Variants in PTPRQ observed in about 807,000 individuals in gnomAD.
The protein encoded by PTPRQ is protein tyrosine phosphatase receptor type Q, also known as phosphatidylinositol phosphatase PTPRQ.
PTPRQ carries 199 observed loss-of-function variants against 246.0 expected under a neutral mutation model. The ratio of observed to expected loss-of-function variants is 0.81; its 90% confidence interval spans 0.72 to 0.91. The LOEUF (loss-of-function observed/expected upper bound fraction) is 0.91, where lower values mean the gene tolerates loss of function less well. Among genes scored for constraint, PTPRQ ranks in the 40% least tolerant of loss-of-function variants. The pLI, the probability that PTPRQ is intolerant of heterozygous loss-of-function variation, is 0.00. For synonymous variants in PTPRQ, 869 were observed against 853.2 expected, an observed-to-expected ratio of 1.02 and a Z score of -0.32; for missense variants, 2,624 against 2,528.4, an observed-to-expected ratio of 1.04 and a Z score of -0.81.
chr12:80,507,652 G>C (rs7979226), intron 16 of PTPRQ, among the ~76,000 whole-genome samples: 48,657 of 151,748 alleles, frequency 0.32, 9,059 homozygotes, highest in African/African-American at 0.51. Context: ...GGCTAGGGCT[G>C]TCTGTGTTGC....
chr12:80,602,124 A>T (rs1455593609), intron 26 of PTPRQ, among the ~76,000 whole-genome samples: 1 of 151,748 alleles, frequency 6.6e-6, no homozygotes, highest in African/African-American at 2.4e-5. Context: ...ATTATTGTAC[A>T]GTTTTCAGAA....
chr12:80,495,506 T>A lies in PTPRQ; in HGVS notation c.1882+135T>A, dbSNP rs566396959. 2.1e-5 allele frequency: 25 copies of A among 1,171,306 alleles called. No homozygotes were observed. The African/African-American group carries it at 3.7e-4, about 17-fold the overall frequency. The allele number at this position is 1,171,306 out of a possible 1,614,324, so 72.6% of individuals were successfully genotyped here. A position where few individuals can be genotyped will look rare whatever the true frequency, so the allele number is the denominator to read the frequency against. ...TCACTTCATATTTTGTTGTTTTGTG[T>A]CACCATGAATCTTTTTAAAATACCT... On this transcript the variant is annotated intron_variant, in intron 12 of 44. Coordinates refer to ENST00000644991, the MANE Select transcript of PTPRQ (RefSeq NM_001145026.2).
intron 33 of PTPRQ, among the ~76,000 whole-genome samples, chr12:80,627,059 T>G (rs909060465): frequency 6.6e-6 from 1 of 152,074 alleles, no homozygotes; most frequent in Non-Finnish European, 1.5e-5. Flanking sequence ...TGTTTAAAAT[T>G]TTATTGAATA....
At chr12:80,630,753 G>A (rs1452163063) in intron 33 of PTPRQ, among the ~76,000 whole-genome samples, 1 of 152,040 alleles carries the variant, frequency 6.6e-6, no homozygotes, top group Non-Finnish European at 1.5e-5. Flanking sequence ...TTTTGCTCTT[G>A]TTACCCAGGC....
At chr12:80,626,055 T>G (rs2121150173) in intron 33 of PTPRQ, among the ~76,000 whole-genome samples, 1 of 152,338 alleles carries the variant, frequency 6.6e-6, no homozygotes, top group South Asian at 2.1e-4. Flanking sequence ...GATTGTTTTC[T>G]TTTGTCATAA....
chr12:80,607,467 C>T, intron 27 of PTPRQ, among the ~76,000 whole-genome samples: 2 of 149,050 alleles, frequency 1.3e-5, no homozygotes, highest in African/African-American at 4.9e-5. Context: ...TCCTTCCTCC[C>T]TCCCACCCTC....
intron 25 of PTPRQ, among the ~76,000 whole-genome samples, chr12:80,553,811 A>AAATAATAC (rs1349157830): frequency 1.3e-5 from 2 of 152,216 alleles, no homozygotes; most frequent in African/African-American, 4.8e-5. Flanking sequence ...AAACCAATAC[A>AAATAATAC]AATAATACAG....
At chr12:80,528,183 CTT>C (rs1895746384) in intron 17 of PTPRQ, among the ~76,000 whole-genome samples, 2 of 152,074 alleles carry the variant, frequency 1.3e-5, no homozygotes, top group South Asian at 4.1e-4. Context: ...TAAGATATAA[CTT>C]ATACACTTTG....
chr12:80,552,589 G>A (rs1432169450), intron 25 of PTPRQ, among the ~76,000 whole-genome samples: 1 of 138,916 alleles, frequency 7.2e-6, no homozygotes, highest in Non-Finnish European at 1.5e-5. Context: ...ATCGCAATGT[G>A]CACCTGATGT....
chr12:80,495,268 A>G lies in PTPRQ; in HGVS notation c.1779A>G (p.Glu593=). Reference sequence around the variant, plus strand: ...TTTTGTTATATTGGGATCCTCCAGAATATCCCAATGGAAAAATAACTCACT... The same window carrying G: ...TTTTGTTATATTGGGATCCTCCAGAGTATCCCAATGGAAAAATAACTCACT... ...SSILLYWDPP[E]YPNGKITHYT... is the part of the protein sequence containing the mutation. Residue 593 remains glutamate (E), a synonymous_variant, in exon 12 of 45, where the codon GAA becomes GAG. Transcript: ENST00000644991. 6.5e-7 allele frequency: 1 copy of G among 1,546,332 alleles called. No homozygotes were observed. The highest frequency in any genetic ancestry group is 8.7e-7 in the Non-Finnish European group (1 of 1,145,220).
intron 37 of PTPRQ, among the ~76,000 whole-genome samples, chr12:80,650,481 A>G (rs1463251690): frequency 6.6e-6 from 1 of 152,030 alleles, no homozygotes; most frequent in Non-Finnish European, 1.5e-5. Context: ...CAAAAACATT[A>G]TTTCTATTTT....
intron 17 of PTPRQ, among the ~76,000 whole-genome samples, chr12:80,515,303 A>G (rs901245213): frequency 2.6e-5 from 4 of 152,182 alleles, no homozygotes; most frequent in Non-Finnish European, 4.4e-5. Context: ...AATGGTAGCT[A>G]TCATTGTTAG....
intron 3 of PTPRQ, among the ~76,000 whole-genome samples, chr12:80,450,069 G>T (rs897288869): frequency 6.6e-6 from 1 of 152,034 alleles, no homozygotes; most frequent in Admixed American, 6.6e-5. Flanking sequence ...GTGGTTTGTA[G>T]TTCTCCTTGA....
intron 9 of PTPRQ, 98 bp downstream of exon 9, chr12:80,484,703 G>C: frequency 7.1e-7 from 1 of 1,416,766 alleles, no homozygotes; most frequent in East Asian, 2.5e-5. Flanking sequence ...TGTAATATTT[G>C]ACCACTTACT....
intron 26 of PTPRQ, among the ~76,000 whole-genome samples, chr12:80,593,912 C>T (rs1419850331): frequency 6.6e-6 from 1 of 151,420 alleles, no homozygotes; most frequent in Non-Finnish European, 1.5e-5. Flanking sequence ...TCCTATAGAC[C>T]ACCAAGACTG....
intron 4 of PTPRQ, 86 bp downstream of exon 4, chr12:80,457,730 T>C (rs969332881): frequency 7.5e-6 from 3 of 398,124 alleles, no homozygotes; most frequent in Non-Finnish European, 1.3e-5. Flanking sequence ...AAACTGACAC[T>C]AAAATACATA....
chr12:80,452,795 A>C (rs2120428601), intron 3 of PTPRQ, among the ~76,000 whole-genome samples: 1 of 152,248 alleles, frequency 6.6e-6, no homozygotes, highest in Non-Finnish European at 1.5e-5. Context: ...GGCTGCCCTT[A>C]ACATTTTTTC....
rs1333378217 is a variant in PTPRQ, at chr12:80,496,032, T to C, written c.1916T>C (p.Val639Ala). ...AAATACACAAAATACAAAATGAGAG[T>C]GGCAGCCTCAACCCACGTTGGAGAA... is the stretch of plus-strand genomic sequence containing the variant. ...LKKYTKYKMR[V>A]AASTHVGESS... is the part of the protein sequence containing the mutation. Residue 639 changes from valine to alanine, a missense_variant, in exon 13 of 45, where the codon GTG becomes GCG. By Grantham distance (64) the Val-to-Ala change is moderately conservative (BLOSUM62 0). Transcript: ENST00000644991. The C allele has an allele frequency of 1.3e-6, 2 of 1,550,222 alleles. No individual in the cohort carries two copies. The highest frequency in any genetic ancestry group is 3.9e-5 in the Admixed American group (2 of 50,858).
rs570844917 is a variant in PTPRQ, at chr12:80,485,359, A to C, written c.1359+754A>C. ...GCTCCCCGGGGCATTCAAAGAATAA[A>C]CTTCCTTAGGACCAGTGCAGCAATC... On this transcript the variant is annotated intron_variant, in intron 9 of 44. Coordinates refer to ENST00000644991, the MANE Select transcript of PTPRQ (RefSeq NM_001145026.2). 5.9e-5 allele frequency among the ~76,000 whole-genome samples: 9 copies of C among 152,236 alleles called. No individual in the cohort carries two copies. The East Asian group carries it at 1.7e-3, about 30-fold the overall frequency.
Sources: gnomAD v4.1 joint callset for allele counts (sites outside exome capture counted in the v4.1 genomes callset) on GRCh38, gnomAD v4.1.1 for gene constraint, MANE v1.5 for transcripts, NCBI Gene and HGNC (gene_info 2026-07-23, HGNC 2026-07-21) for gene names.